The following NOL4 variants were observed in gnomAD, a reference collection of about 807,000 sequenced individuals.
The protein encoded by NOL4 is cancer/testis antigen 125.
In NOL4, 17 loss-of-function variants were observed where a neutral mutation model predicts 75.9. That is an observed-to-expected ratio of 0.22 (90% CI 0.15 to 0.34). The LOEUF (loss-of-function observed/expected upper bound fraction) is 0.34, where lower values mean the gene tolerates loss of function less well. Among genes scored for constraint, NOL4 ranks in the 10% least tolerant of loss-of-function variants. The pLI is 1.00. For synonymous variants in NOL4, 292 were observed against 289.9 expected (o/e 1.01, Z -0.07); for missense variants, 614 against 793.5 (o/e 0.77, Z 2.72).
At chr18:33,929,505 A>G (rs1408483235) in intron 9 of NOL4, among the ~76,000 whole-genome samples, 1 of 152,182 alleles carries the variant, frequency 6.6e-6, no homozygotes, top group Non-Finnish European at 1.5e-5. Context: ...TATCTTTAAC[A>G]GAATGTGAGT....
chr18:34,105,526 G>C (rs574844647), intron 2 of NOL4, among the ~76,000 whole-genome samples: 1 of 151,950 alleles, frequency 6.6e-6, no homozygotes, highest in East Asian at 1.9e-4. Context: ...AATCAAATTT[G>C]TATCCAATTT....
At chr18:34,211,174 G>T (rs1018844458) in intron 1 of NOL4, among the ~76,000 whole-genome samples, 6 of 152,016 alleles carry the variant, frequency 3.9e-5, no homozygotes, top group Admixed American at 1.3e-4. Context: ...GGTAGTTCAA[G>T]GTAAATGTCA....
chr18:33,983,282 A>G (rs1048719301), intron 6 of NOL4, among the ~76,000 whole-genome samples: 1 of 152,142 alleles, frequency 6.6e-6, no homozygotes, highest in African/African-American at 2.4e-5. Flanking sequence ...ACTTGTCAAC[A>G]GCCATAGAAT....
chr18:34,150,532 G>A (rs2081595848), intron 1 of NOL4, among the ~76,000 whole-genome samples: 2 of 151,574 alleles, frequency 1.3e-5, no homozygotes, highest in Admixed American at 1.3e-4. Flanking sequence ...GGATATGCAC[G>A]TGTGGAAAAA....
intron 6 of NOL4, among the ~76,000 whole-genome samples, chr18:34,014,669 C>G (rs2074576565): frequency 6.6e-6 from 1 of 151,868 alleles, no homozygotes; most frequent in African/African-American, 2.4e-5. Context: ...TCATTTCAGC[C>G]CTCTTTGGAG....
At chr18:34,152,901 A>G (rs2081712630) in intron 1 of NOL4, among the ~76,000 whole-genome samples, 1 of 151,934 alleles carries the variant, frequency 6.6e-6, no homozygotes. Context: ...ATTTATTTTT[A>G]ATAACTTAGA....
At chr18:33,937,009 C>G (rs975270675) in intron 9 of NOL4, among the ~76,000 whole-genome samples, 1 of 151,628 alleles carries the variant, frequency 6.6e-6, no homozygotes, top group Non-Finnish European at 1.5e-5. Context: ...AGAAAAGAAC[C>G]CACAAATTTT....
chr18:33,980,279 C>T (rs1190308909), intron 6 of NOL4, among the ~76,000 whole-genome samples: 3 of 151,892 alleles, frequency 2.0e-5, no homozygotes, highest in African/African-American at 7.3e-5. Context: ...GATGGACAAG[C>T]CTGAAAAGGA....
intron 9 of NOL4, among the ~76,000 whole-genome samples, chr18:33,904,293 T>G (rs2065905732): frequency 6.6e-6 from 1 of 152,020 alleles, no homozygotes; most frequent in Non-Finnish European, 1.5e-5. Context: ...AGCTTGGTCA[T>G]TGATGCTGTC....
chr18:34,025,580 C>A lies in NOL4; in HGVS notation c.773-5979G>T, dbSNP rs1020478348. Among the ~76,000 whole-genome samples the A allele has an allele frequency of 3.9e-5, 6 of 152,294 alleles. No individual in the cohort carries two copies. The South Asian group carries it at 1.0e-3, about 26-fold the overall frequency. On this transcript the variant is annotated intron_variant, in intron 5 of 10. Coordinates refer to ENST00000261592, the MANE Select transcript of NOL4 (RefSeq NM_003787.5). ...CACTAATTCTCCAGCTATTTGTGTG[C>A]ACACTGGCTCTATGTATGTCATTTT... is the stretch of plus-strand genomic sequence containing the variant.
At chr18:34,157,410 T>A (rs183639303) in intron 1 of NOL4, among the ~76,000 whole-genome samples, 121 of 152,060 alleles carry the variant, frequency 8.0e-4, no homozygotes, top group African/African-American at 2.8e-3. Context: ...AAATCAAATT[T>A]TGGATAGGAA....
chr18:33,997,731 T>C (rs974888286), intron 6 of NOL4, among the ~76,000 whole-genome samples: 10 of 149,348 alleles, frequency 6.7e-5, no homozygotes, highest in African/African-American at 9.8e-5. Context: ...ATATATACTC[T>C]ATATACTTTA....
chr18:34,093,038 T>G (rs1004120598), intron 5 of NOL4, among the ~76,000 whole-genome samples: 1 of 152,190 alleles, frequency 6.6e-6, no homozygotes, highest in African/African-American at 2.4e-5. Context: ...TAATATCTAG[T>G]GATTCTTAGT....
chr18:34,170,213 C>T (rs1334851045), intron 1 of NOL4, among the ~76,000 whole-genome samples: 4 of 148,676 alleles, frequency 2.7e-5, no homozygotes, highest in African/African-American at 9.9e-5. Context: ...GTCTCATTCT[C>T]GTTGCCCAGG....
At chr18:34,076,763 T>C (rs965671292) in intron 5 of NOL4, among the ~76,000 whole-genome samples, 17 of 152,224 alleles carry the variant, frequency 1.1e-4, no homozygotes, top group Non-Finnish European at 2.2e-4. Context: ...TGGTAAATCA[T>C]ATTGAATAGC....
At chr18:34,209,407 T>A (rs904341159) in intron 1 of NOL4, among the ~76,000 whole-genome samples, 1 of 152,114 alleles carries the variant, frequency 6.6e-6, no homozygotes, top group African/African-American at 2.4e-5. Flanking sequence ...TTATATTTTT[T>A]AAAATAATCC....
At chr18:34,031,449 A>G (rs1165707097) in intron 5 of NOL4, among the ~76,000 whole-genome samples, 1 of 152,210 alleles carries the variant, frequency 6.6e-6, no homozygotes, top group Non-Finnish European at 1.5e-5. Flanking sequence ...AGTCCTGTAC[A>G]TATCTTGTCA....
intron 2 of NOL4, among the ~76,000 whole-genome samples, chr18:34,107,692 A>G (rs1015547008): frequency 2.0e-5 from 3 of 152,082 alleles, no homozygotes; most frequent in Admixed American, 6.6e-5. Context: ...AAAAAAAAAA[A>G]AAACTTTTTT....
intron 2 of NOL4, among the ~76,000 whole-genome samples, chr18:34,122,946 A>G (rs1234311374): frequency 3.9e-5 from 6 of 152,120 alleles, no homozygotes; most frequent in African/African-American, 1.2e-4. Flanking sequence ...ACCACTAGGG[A>G]GCACTAAAGT....
Sources: gnomAD v4.1 joint callset for allele counts (sites outside exome capture counted in the v4.1 genomes callset) on GRCh38, gnomAD v4.1.1 for gene constraint, MANE v1.5 for transcripts, NCBI Gene and HGNC (gene_info 2026-07-23, HGNC 2026-07-21) for gene names.